FBXW11: variants seen among roughly 807,000 people sequenced by gnomAD.
FBXW11 encodes the protein F-box and WD repeat domain containing 11, also known as F-box/WD repeat-containing protein 11.
In FBXW11, 19 loss-of-function variants were observed where a neutral mutation model predicts 77.6. The ratio of observed to expected loss-of-function variants is 0.24; its 90% CI spans 0.17 to 0.36. The LOEUF is 0.36. Ranked by LOEUF, FBXW11 falls within the 10% of genes least tolerant of loss-of-function variation. FBXW11 has a pLI of 1.00. For synonymous variants in FBXW11, 235 were observed against 249.4 expected, an observed-to-expected ratio of 0.94 and a Z score of 0.54; for missense variants, 334 against 704.2, an observed-to-expected ratio of 0.47 and a Z score of 5.95.
chr5:171,946,267 G>A (rs2113218228), intron 2 of FBXW11, among the ~76,000 whole-genome samples: 1 of 152,222 alleles, frequency 6.6e-6, no homozygotes, highest in Non-Finnish European at 1.5e-5. Flanking sequence ...TATTGATTCT[G>A]TTTCTCTGGA....
rs35891894 is a variant in FBXW11, at chr5:171,972,316, A to AAAATAAAT, written c.46-14626_46-14619dup. On this transcript the variant is annotated intron_variant, in intron 1 of 13. Coordinates refer to ENST00000517395, the MANE Select transcript of FBXW11 (RefSeq NM_001378974.1). Reference sequence around the variant, plus strand: ...AACACAATGAGACCTCGTCTCTACAAAAATAAATAAATAAATAAATAAATA... The same window carrying AAAATAAAT: ...AACACAATGAGACCTCGTCTCTACAAAAATAAATAAATAAATAAATAAATAAATAAATA... 9.0e-3 allele frequency among the ~76,000 whole-genome samples: 1,209 copies of AAAATAAAT among 134,706 alleles called. 7 individuals are homozygous for AAAATAAAT. The highest frequency in any genetic ancestry group is 0.016 in the African/African-American group (575 of 36,322). 88.4% of individuals were successfully genotyped at this position (134,706 alleles called of 152,430 possible). A position where few individuals can be genotyped will look rare whatever the true frequency, so the allele number is the denominator to read the frequency against.
intron 13 of FBXW11, among the ~76,000 whole-genome samples, chr5:171,866,164 C>T (rs1021750481): frequency 6.6e-6 from 1 of 151,686 alleles, no homozygotes; most frequent in Non-Finnish European, 1.5e-5. Context: ...ACTTGCAAGG[C>T]TGAGGCAAGA....
chr5:171,899,089 T>C lies in FBXW11; in HGVS notation c.629A>G (p.Gln210Arg), dbSNP rs1231986449. 1.3e-6 allele frequency: 2 copies of C among 1,595,236 alleles called. No homozygotes were observed. The highest frequency in any genetic ancestry group is 2.7e-5 in the African/African-American group (2 of 74,128). The change falls in exon 6 of 14, where the codon CAG becomes CGG. Residue 210 changes from glutamine to arginine, a missense_variant. Gln to Arg is a conservative substitution (Grantham distance 43). Coordinates refer to ENST00000517395, the MANE Select transcript of FBXW11 (RefSeq NM_001378974.1). Reference sequence around the variant, plus strand: ...TGTGGGTCTGTTTTTAAACAGGTACTGATCCCTGGCAAATAAAAACAAACA... The same window carrying C: ...TGTGGGTCTGTTTTTAAACAGGTACCGATCCCTGGCAAATAAAAACAAACA... ...KGLSERRGWD[Q>R]YLFKNRPTDG...
chr5:171,893,422 A>AAAAAAAAAAAAC (rs1759504083), intron 6 of FBXW11, among the ~76,000 whole-genome samples: 2 of 53,954 alleles, frequency 3.7e-5, no homozygotes, highest in Admixed American at 2.2e-4. Context: ...CTTCAAAACC[A>AAAAAAAAAAAAC]AAAAAAAAAA....
In FBXW11 at chr5:171,894,438, G is replaced by A. The variant is rs114048781; in HGVS notation, c.715-2834C>T. ...GTCATTTTACAAAGTCCTCGCCTAG[G>A]CCTGTTTTAGAATCATTAGTTTCTT... On this transcript the variant is annotated intron_variant, in intron 6 of 13. Transcript: ENST00000517395. Among the ~76,000 whole-genome samples the A allele has an allele frequency of 3.3e-3, 495 of 152,256 alleles. 7 individuals carry two copies. Among genetic ancestry groups the A allele is most frequent in the African/African-American group, 0.012 (482 of 41,544 alleles).
chr5:171,906,795 CA>C (rs1394527491), intron 4 of FBXW11, among the ~76,000 whole-genome samples: 1 of 152,206 alleles, frequency 6.6e-6, no homozygotes, highest in African/African-American at 2.4e-5. Flanking sequence ...TTTTTCCTGT[CA>C]CGCTGCTCTG....
At position 171,910,806 on chromosome 5, in the gene FBXW11, G is replaced by GA; in HGVS notation, c.211-10dup. 1.3e-6 allele frequency: 2 copies of GA among 1,485,504 alleles called. No homozygotes were observed. Among genetic ancestry groups the GA allele is most frequent in the Non-Finnish European group, 1.8e-6 (2 of 1,114,278 alleles). The allele number at this position is 1,485,504 out of a possible 1,614,324, so 92.0% of individuals were successfully genotyped here. A position where few individuals can be genotyped will look rare whatever the true frequency, so the allele number is the denominator to read the frequency against. ...GATGTTCCATTACTTATCTATTTTA[G>GA]AAAAACAAAAAAAAAATTAGTTTAA... is the stretch of plus-strand genomic sequence containing the variant. On this transcript the variant is annotated splice_polypyrimidine_tract_variant and intron_variant, in intron 3 of 13. Transcript: ENST00000517395.
chr5:171,914,367 G>T lies in FBXW11; in HGVS notation c.186C>A (p.Ser62=). 6.2e-7 allele frequency: 1 copy of T among 1,605,158 alleles called. No individual in the cohort carries two copies. The highest frequency in any genetic ancestry group is 8.5e-7 in the Non-Finnish European group (1 of 1,176,594). Reference sequence around the variant, plus strand: ...CCTGCCAAAGAGTATTTTTCTTTGGGGACTCATCTTCATTTTGATCTTCCA... The same window carrying T: ...CCTGCCAAAGAGTATTTTTCTTTGGTGACTCATCTTCATTTTGATCTTCCA... The part of the protein sequence containing the change: ...SVMEDQNEDE[S]PKKNTLWQIS... The change falls in exon 3 of 14, where the codon TCC becomes TCA. Residue 62 remains serine, a synonymous_variant. Coordinates refer to ENST00000517395, the MANE Select transcript of FBXW11 (RefSeq NM_001378974.1).
In FBXW11 at chr5:171,881,420, AAG is replaced by A. The variant is rs531562074; in HGVS notation, c.853-3293_853-3292del. ...AGTTTACTAAGGGTTTTTATCACGA[AAG>A]AGTGTTCAATTTTCTCAAACGCCCT... is the stretch of plus-strand genomic sequence containing the variant. On this transcript the variant is annotated intron_variant, in intron 7 of 13. Transcript: ENST00000517395. 6.1e-3 allele frequency among the ~76,000 whole-genome samples: 933 copies of A among 152,330 alleles called. 4 individuals are homozygous for A. Among genetic ancestry groups the A allele is most frequent in the Non-Finnish European group, 0.011 (737 of 68,028 alleles).
At chr5:172,006,303 G>A (rs1766767232) in intron 1 of FBXW11, among the ~76,000 whole-genome samples, 155 bp downstream of exon 1, 1 of 152,172 alleles carries the variant, frequency 6.6e-6, no homozygotes, top group Non-Finnish European at 1.5e-5. Context: ...AGAGGAGCCC[G>A]CGCCAGGTCC....
rs532730898 is a variant in FBXW11, at chr5:171,968,264, G to A, written c.46-10566C>T. On this transcript the variant is annotated intron_variant, in intron 1 of 13. Transcript: ENST00000517395. The stretch of plus-strand genomic sequence containing the variant: ...GAGGTCAGGAGATCGAGACCATCCC[G>A]GCTAACACGGTGAAACCCCTCGTCT... 1.7e-3 allele frequency among the ~76,000 whole-genome samples: 257 copies of A among 151,998 alleles called. 1 individual carries two copies. Among genetic ancestry groups the A allele is most frequent in the African/African-American group, 5.7e-3 (236 of 41,444 alleles).
chr5:171,936,988 T>C (rs1762515098), intron 2 of FBXW11, among the ~76,000 whole-genome samples: 1 of 152,254 alleles, frequency 6.6e-6, no homozygotes, highest in African/African-American at 2.4e-5. Flanking sequence ...GGCCCATTTG[T>C]TCTTTAAAGG....
chr5:171,881,220 T>G (rs972687603), intron 7 of FBXW11, among the ~76,000 whole-genome samples: 3 of 152,204 alleles, frequency 2.0e-5, no homozygotes, highest in Non-Finnish European at 4.4e-5. Flanking sequence ...CTTGTCTTAG[T>G]GTGTTATCTA....
intron 2 of FBXW11, among the ~76,000 whole-genome samples, chr5:171,939,874 G>A (rs980937053): frequency 2.0e-5 from 3 of 151,934 alleles, no homozygotes; most frequent in Non-Finnish European, 4.4e-5. Context: ...TATCAAAATC[G>A]ACTGGTGCTC....
intron 3 of FBXW11, among the ~76,000 whole-genome samples, chr5:171,913,487 A>T (rs1761013848): frequency 6.6e-6 from 1 of 152,208 alleles, no homozygotes; most frequent in African/African-American, 2.4e-5. Flanking sequence ...AGAAGAAAAT[A>T]ACAGCATGTG....
At chr5:171,881,906 G>T (rs955100730) in intron 7 of FBXW11, among the ~76,000 whole-genome samples, 2 of 152,180 alleles carry the variant, frequency 1.3e-5, no homozygotes, top group African/African-American at 4.8e-5. Context: ...GCTCATGAGA[G>T]CTATAGTGAT....
At chr5:171,974,800 C>T (rs1209552712) in intron 1 of FBXW11, among the ~76,000 whole-genome samples, 3 of 152,028 alleles carry the variant, frequency 2.0e-5, no homozygotes, top group Non-Finnish European at 2.9e-5. Flanking sequence ...AAGTCTAACA[C>T]TATGTGACCT....
intron 2 of FBXW11, among the ~76,000 whole-genome samples, chr5:171,944,541 C>T (rs1311812772): frequency 5.5e-5 from 7 of 127,430 alleles, no homozygotes. Context: ...CGCGCCACTG[C>T]ACTCCAGCCT....
chr5:171,912,637 T>C (rs1487121532), intron 3 of FBXW11, among the ~76,000 whole-genome samples: 4 of 152,216 alleles, frequency 2.6e-5, no homozygotes, highest in Admixed American at 2.6e-4. Context: ...CCAGGCATGG[T>C]GGCTCATGCC....
Sources: gnomAD v4.1 joint callset for allele counts (sites outside exome capture counted in the v4.1 genomes callset) on GRCh38, gnomAD v4.1.1 for gene constraint, MANE v1.5 for transcripts, NCBI Gene and HGNC (gene_info 2026-07-23, HGNC 2026-07-21) for gene names.